Variants in FNBP1L observed in about 807,000 individuals in gnomAD.
FNBP1L encodes formin binding protein 1 like.
A neutral mutation model predicts 91.2 loss-of-function variants in FNBP1L; 36 were observed. The ratio of observed to expected loss-of-function variants is 0.39; its 90% CI spans 0.30 to 0.52. The LOEUF is 0.52. Ranked by LOEUF, FNBP1L falls within the 20% of genes least tolerant of loss-of-function variation. FNBP1L has a pLI of 0.66. For missense variants in FNBP1L, 571 were observed against 732.1 expected, an observed-to-expected ratio of 0.78 and a Z score of 2.54; for synonymous variants, 242 against 237.0, an observed-to-expected ratio of 1.02 and a Z score of -0.19.
At chr1:93,549,150 G>T in intron 14 of FNBP1L, 128 bp from the exon 15 acceptor site, 1 of 624,746 alleles carries the variant, frequency 1.6e-6, no homozygotes, top group African/African-American at 1.9e-5. Context: ...AAAAAAATAG[G>T]GCTTAAGTGG....
chr1:93,496,861 C>T (rs1670279436), intron 1 of FNBP1L, among the ~76,000 whole-genome samples: 1 of 152,114 alleles, frequency 6.6e-6, no homozygotes, highest in Non-Finnish European at 1.5e-5. Context: ...AAAACACCTT[C>T]ACAGAAACAT....
chr1:93,454,137 C>T (rs977731916), intron 1 of FNBP1L, among the ~76,000 whole-genome samples: 2 of 152,118 alleles, frequency 1.3e-5, no homozygotes, highest in African/African-American at 4.8e-5. Flanking sequence ...CTGTATCCTG[C>T]CTGGATTAGC....
intron 1 of FNBP1L, among the ~76,000 whole-genome samples, chr1:93,476,163 G>A (rs1427716913): frequency 2.6e-5 from 4 of 152,274 alleles, no homozygotes; most frequent in East Asian, 3.9e-4. Context: ...CCAACATTGC[G>A]ATAGTAATGT....
At chr1:93,493,943 C>A (rs1301179515) in intron 1 of FNBP1L, among the ~76,000 whole-genome samples, 1 of 152,156 alleles carries the variant, frequency 6.6e-6, no homozygotes, top group African/African-American at 2.4e-5. Flanking sequence ...ACTTGAACAA[C>A]CAGTTTTTCA....
Position 93,550,971 on chromosome 1 carries a change from T to C in FNBP1L, c.1676T>C (p.Met559Thr), listed in dbSNP as rs1415430013. 4 of 1,598,610 alleles carry C rather than the reference T, an allele frequency of 2.5e-6. No homozygotes were observed. The highest frequency in any genetic ancestry group is 2.7e-5 in the African/African-American group (2 of 74,264). Residue 559 changes from methionine (M) to threonine (T), a missense_variant, in exon 16 of 17, where the codon ATG becomes ACG. Around this residue, in one of 5 missense-constraint regions of FNBP1L, gnomAD observed 189 missense variants for 219.7 expected, o/e 0.86. Coordinates refer to ENST00000271234, the MANE Select transcript of FNBP1L (RefSeq NM_001164473.3). ...GGACATAATGAAGGTACTCTAGCAA[T>C]GAAAGAAGGTGAAGTTCTCTACATT... ...FDGHNEGTLA[M>T]KEGEVLYIIE...
intron 1 of FNBP1L, among the ~76,000 whole-genome samples, chr1:93,450,445 A>G (rs1417983075): frequency 6.6e-6 from 1 of 152,204 alleles, no homozygotes. Context: ...AAACTAAGTA[A>G]TGTAGAGTGA....
At chr1:93,524,444 A>C (rs1249749196) in intron 5 of FNBP1L, 121 bp downstream of exon 5, 6 of 646,484 alleles carry the variant, frequency 9.3e-6, no homozygotes, top group Non-Finnish European at 1.4e-5. Context: ...ATAATTTGAC[A>C]TTGGTATTAT....
At chr1:93,550,838 A>T in intron 15 of FNBP1L, 109 bp from the exon 16 acceptor site, 1 of 1,075,014 alleles carries the variant, frequency 9.3e-7, no homozygotes, top group African/African-American at 1.6e-5. Flanking sequence ...CAGTAGTTCC[A>T]GGTACATTGA....
chr1:93,526,593 T>G (rs1431249515), intron 5 of FNBP1L, among the ~76,000 whole-genome samples: 1 of 152,128 alleles, frequency 6.6e-6, no homozygotes, highest in African/African-American at 2.4e-5. Flanking sequence ...GTGGGGAGTC[T>G]AGGAGAGCAA....
intron 1 of FNBP1L, among the ~76,000 whole-genome samples, chr1:93,496,991 C>T (rs780461010): frequency 3.9e-5 from 6 of 152,102 alleles, no homozygotes; most frequent in Non-Finnish European, 5.9e-5. Flanking sequence ...GACAGAGTCT[C>T]GCTCTGTCAC....
intron 1 of FNBP1L, among the ~76,000 whole-genome samples, chr1:93,497,163 C>T (rs12062584): frequency 0.1 from 15,746 of 151,832 alleles, 962 homozygotes; most frequent in African/African-American, 0.16. Flanking sequence ...GGGGTTTCAC[C>T]GTGTTAGCCA....
At chr1:93,540,012 G>A (rs1293721824) in intron 10 of FNBP1L, among the ~76,000 whole-genome samples, 1 of 152,070 alleles carries the variant, frequency 6.6e-6, no homozygotes, top group African/African-American at 2.4e-5. Flanking sequence ...CTCACTAATT[G>A]AGATGAATGT....
At chr1:93,552,174 G>A in intron 16 of FNBP1L, 5 of 1,301,872 alleles carry the variant, frequency 3.8e-6, no homozygotes, top group Non-Finnish European at 4.9e-6. Flanking sequence ...GTCAAGGATT[G>A]TGCAGTGCTG....
rs546901483 is a variant in FNBP1L at position 93,507,968 on chromosome 1, A to T, written c.140+8385A>T. Among the ~76,000 whole-genome samples the T allele has an allele frequency of 4.2e-4, 61 of 145,998 alleles. 1 individual carries two copies. The highest frequency in any genetic ancestry group is 1.6e-3 in the South Asian group (7 of 4,510). On this transcript the variant is annotated intron_variant, in intron 2 of 16. Coordinates refer to ENST00000271234, the MANE Select transcript of FNBP1L (RefSeq NM_001164473.3). ...CTGGCCTAGTTTTTTTTTTTTTTTT[A>T]AATTATGAAAGCATTATATGATCAT...
chr1:93,537,462 T>G (rs1254742374), intron 10 of FNBP1L, among the ~76,000 whole-genome samples: 1 of 152,140 alleles, frequency 6.6e-6, no homozygotes, highest in Non-Finnish European at 1.5e-5. Context: ...TTTGGCCTCC[T>G]ATAGAACAAG....
At chr1:93,524,158 C>A in intron 4 of FNBP1L, 103 bp from the exon 5 acceptor site, 1 of 839,312 alleles carries the variant, frequency 1.2e-6, no homozygotes, top group Non-Finnish European at 1.7e-6. Flanking sequence ...AAGTGAAAAG[C>A]CTTTTGGGGA....
intron 16 of FNBP1L, 200 bp from the exon 17 acceptor site, chr1:93,552,194 CCACACCCTGAGTCAG>C: frequency 2.2e-6 from 3 of 1,340,454 alleles, no homozygotes; most frequent in Non-Finnish European, 2.9e-6. Context: ...GGTTGTGTGA[CCACACCCTGAGTCAG>C]TGGTGTGGGG....
intron 5 of FNBP1L, among the ~76,000 whole-genome samples, chr1:93,525,025 C>G (rs1470731282): frequency 3.3e-5 from 5 of 150,830 alleles, no homozygotes; most frequent in Non-Finnish European, 7.4e-5. Context: ...CTGCAGTTGC[C>G]TTTACATAAA....
chr1:93,482,051 T>G (rs1421452069), intron 1 of FNBP1L, among the ~76,000 whole-genome samples: 1 of 151,980 alleles, frequency 6.6e-6, no homozygotes, highest in African/African-American at 2.4e-5. Flanking sequence ...TCCCAGCTAC[T>G]CGGGGGGCTG....
Sources: gnomAD v4.1 joint callset for allele counts (sites outside exome capture counted in the v4.1 genomes callset) on GRCh38, gnomAD v4.1.1 for gene constraint, gnomAD v4.1.1 regional missense constraint, MANE v1.5 for transcripts, NCBI Gene and HGNC (gene_info 2026-07-23, HGNC 2026-07-21) for gene names.